The following HECW2 variants were observed in gnomAD, a reference collection of about 807,000 sequenced individuals.
The protein encoded by HECW2 is HECT, C2 and WW domain containing E3 ubiquitin protein ligase 2, also known as E3 ubiquitin-protein ligase HECW2.
A neutral mutation model predicts 175.2 loss-of-function variants in HECW2; 61 were observed. The ratio of observed to expected loss-of-function variants is 0.35; its 90% confidence interval spans 0.28 to 0.43. The LOEUF (loss-of-function observed/expected upper bound fraction) is 0.43, where lower values mean the gene tolerates loss of function less well. HECW2 is among the 20% of genes least tolerant of loss of function. HECW2 has a pLI of 1.00. For missense variants in HECW2, 1,524 were observed against 2,000.5 expected, an observed-to-expected ratio of 0.76 and a Z score of 4.54; for synonymous variants, 671 against 731.0, an observed-to-expected ratio of 0.92 and a Z score of 1.32.
At chr2:196,404,228 A>T (rs4850710) in intron 2 of HECW2, among the ~76,000 whole-genome samples, 95,563 of 152,016 alleles carry the variant, frequency 0.63, 32,853 homozygotes, top group East Asian at 0.94. Context: ...CGTAAGTCCC[A>T]TTACATGAAC....
chr2:196,207,105 G>A (rs2105775002), intron 28 of HECW2, among the ~76,000 whole-genome samples: 1 of 152,332 alleles, frequency 6.6e-6, no homozygotes, highest in Non-Finnish European at 1.5e-5. Context: ...TGGACCTGAG[G>A]CCAGATGGGG....
intron 1 of HECW2, among the ~76,000 whole-genome samples, chr2:196,555,490 C>T (rs2125491100): frequency 6.6e-6 from 1 of 152,240 alleles, no homozygotes; most frequent in South Asian, 2.1e-4. Context: ...GGTGTGGGGA[C>T]ACAAACACTC....
At chr2:196,523,395 T>C (rs1688496412) in intron 1 of HECW2, among the ~76,000 whole-genome samples, 1 of 152,086 alleles carries the variant, frequency 6.6e-6, no homozygotes, top group Admixed American at 6.5e-5. Context: ...TGGGGTTTTC[T>C]AGATATACAA....
intron 14 of HECW2, among the ~76,000 whole-genome samples, chr2:196,286,751 C>T (rs1690406446): frequency 6.6e-6 from 1 of 152,110 alleles, no homozygotes; most frequent in Admixed American, 6.6e-5. Flanking sequence ...AACCAGATAC[C>T]CACCACAAGA....
chr2:196,354,668 T>C (rs1322338345), intron 2 of HECW2, among the ~76,000 whole-genome samples: 2 of 152,234 alleles, frequency 1.3e-5, no homozygotes, highest in East Asian at 1.9e-4. Context: ...CTCCATCTTA[T>C]TCAGTGTAGA....
intron 14 of HECW2, among the ~76,000 whole-genome samples, chr2:196,284,316 A>G (rs934608058): frequency 6.6e-5 from 10 of 152,190 alleles, no homozygotes; most frequent in African/African-American, 1.7e-4. Context: ...TGTATCCCAC[A>G]AGGGGCTCTA....
intron 14 of HECW2, among the ~76,000 whole-genome samples, chr2:196,279,096 T>A (rs1431667157): frequency 6.6e-6 from 1 of 152,090 alleles, no homozygotes; most frequent in African/African-American, 2.4e-5. Context: ...TCACCCAGGC[T>A]GGAGTGCAGT....
intron 2 of HECW2, among the ~76,000 whole-genome samples, chr2:196,428,986 T>C (rs1695627170): frequency 6.6e-6 from 1 of 152,224 alleles, no homozygotes; most frequent in African/African-American, 2.4e-5. Context: ...CATAGCTTTT[T>C]ATTCTCTTGA....
At chr2:196,204,894 T>C (rs1036225633) in intron 28 of HECW2, among the ~76,000 whole-genome samples, 1 of 152,236 alleles carries the variant, frequency 6.6e-6, no homozygotes, top group African/African-American at 2.4e-5. Context: ...GAACTTTGAA[T>C]GTCTCTTTGC....
At chr2:196,414,120 T>A (rs538977681) in intron 2 of HECW2, among the ~76,000 whole-genome samples, 4 of 152,228 alleles carry the variant, frequency 2.6e-5, no homozygotes, top group Non-Finnish European at 5.9e-5. Context: ...AATGCTTTGC[T>A]TTTCCATAAA....
rs1212901594 is a variant in HECW2 at position 196,198,853 on chromosome 2, T to G, written c.*2424A>C. The G allele has an allele frequency of 6.6e-6, 1 of 152,190 alleles. No homozygotes were observed. Among genetic ancestry groups the G allele is most frequent in the East Asian group, 1.9e-4 (1 of 5,206 alleles). The allele number at this position is 152,190 out of a possible 1,614,324, so 9.4% of individuals were successfully genotyped here. On this transcript the variant is annotated 3_prime_UTR_variant, in exon 29 of 29. Transcript: ENST00000644978. Reference sequence around the variant, plus strand: ...TAGATAAGTTAGCATGGTGTTCTGATATGATAAGTACATCTTTGATAATTC... The same window carrying G: ...TAGATAAGTTAGCATGGTGTTCTGAGATGATAAGTACATCTTTGATAATTC...
chr2:196,201,420 A>G, intron 28 of HECW2, 32 bp from the exon 29 acceptor site: 1 of 1,481,824 alleles, frequency 6.7e-7, no homozygotes, highest in East Asian at 2.3e-5. Flanking sequence ...CATAGTTTAG[A>G]ACAGGCCGAG....
chr2:196,224,769 G>C (rs1687790068), intron 23 of HECW2, among the ~76,000 whole-genome samples: 1 of 152,154 alleles, frequency 6.6e-6, no homozygotes, highest in African/African-American at 2.4e-5. Flanking sequence ...GTATAGACTA[G>C]TTTTTCAGGA....
intron 1 of HECW2, among the ~76,000 whole-genome samples, chr2:196,563,527 C>G (rs972921637): frequency 2.0e-5 from 3 of 151,700 alleles, no homozygotes; most frequent in African/African-American, 7.3e-5. Flanking sequence ...GATCACACCA[C>G]CACTGCACTC....
chr2:196,516,774 G>C lies in HECW2; in HGVS notation c.-36+76734C>G, dbSNP rs568419269. ...AACAGACTAGGCATTAAATTACATTGAATCAGACAGTAGGAAAGTCATTGC... is the reference window on the plus strand; with the variant it reads ...AACAGACTAGGCATTAAATTACATTCAATCAGACAGTAGGAAAGTCATTGC... On this transcript the variant is annotated intron_variant, in intron 1 of 28. Coordinates refer to ENST00000644978, the MANE Select transcript of HECW2 (RefSeq NM_001348768.2). 2.0e-5 allele frequency among the ~76,000 whole-genome samples: 3 copies of C among 152,262 alleles called. No homozygotes were observed. The South Asian group carries it at 6.2e-4, about 32-fold the overall frequency.
chr2:196,424,507 C>T (rs1695489892), intron 2 of HECW2, among the ~76,000 whole-genome samples: 1 of 152,040 alleles, frequency 6.6e-6, no homozygotes, highest in South Asian at 2.1e-4. Flanking sequence ...GCAAAGGAAA[C>T]GTTCTTGAAG....
chr2:196,366,397 A>G (rs1693745574), intron 2 of HECW2, among the ~76,000 whole-genome samples: 1 of 152,214 alleles, frequency 6.6e-6, no homozygotes, highest in Non-Finnish European at 1.5e-5. Context: ...AGGAATGTCC[A>G]TTCAAGCCAA....
Position 196,276,753 on chromosome 2 carries a change from A to G in HECW2, c.3135+1775T>C, listed in dbSNP as rs142468265. On this transcript the variant is annotated intron_variant, in intron 15 of 28. Coordinates refer to ENST00000644978, the MANE Select transcript of HECW2 (RefSeq NM_001348768.2). ...TTTTGCACATACCTCATCCTGTAAT[A>G]TATTTGTATATCATTTTTATATGAG... Among the ~76,000 whole-genome samples the G allele has an allele frequency of 5.5e-3, 831 of 152,302 alleles. 7 individuals carry two copies. Among genetic ancestry groups the G allele is most frequent in the Middle Eastern group, 0.02 (6 of 294 alleles).
At chr2:196,536,921 T>C (rs1575649638) in intron 1 of HECW2, among the ~76,000 whole-genome samples, 1 of 152,138 alleles carries the variant, frequency 6.6e-6, no homozygotes. Context: ...CCAAATTCAC[T>C]AGGGACACAA....
Sources: allele counts gnomAD v4.1 joint callset (sites outside exome capture counted in the v4.1 genomes callset), GRCh38; gene constraint gnomAD v4.1.1; transcripts MANE v1.5; gene names NCBI Gene and HGNC (gene_info 2026-07-23, HGNC 2026-07-21).